The following SMARCA2 variants were observed in gnomAD, a reference collection of about 807,000 sequenced individuals.
SMARCA2 encodes the protein SWI/SNF related BAF chromatin remodeling complex subunit ATPase 2.
SMARCA2 carries 61 observed loss-of-function variants against 199.8 expected under a neutral mutation model. The ratio of observed to expected loss-of-function variants is 0.31; its 90% CI spans 0.25 to 0.38. SMARCA2 has a LOEUF of 0.38. SMARCA2 is among the 10% of genes least tolerant of loss of function. The pLI is 1.00. For synonymous variants in SMARCA2, 935 were observed against 732.0 expected (o/e 1.28, Z -4.48); for missense variants, 1,344 against 2,012.2 (o/e 0.67, Z 6.35).
intron 32 of SMARCA2, 64 bp from the exon 33 acceptor site, chr9:2,191,202 C>A: frequency 1.3e-6 from 2 of 1,485,882 alleles, no homozygotes; most frequent in South Asian, 1.2e-5. Context: ...GATAGTCTTA[C>A]CACCTATACA....
chr9:2,124,367 G>T (rs1823595194), intron 27 of SMARCA2, among the ~76,000 whole-genome samples: 1 of 152,174 alleles, frequency 6.6e-6, no homozygotes, highest in African/African-American at 2.4e-5. Flanking sequence ...TTTTACTTCT[G>T]CAAGGTCTGC....
At chr9:2,074,482 G>A (rs1354278583) in intron 12 of SMARCA2, among the ~76,000 whole-genome samples, 1 of 152,118 alleles carries the variant, frequency 6.6e-6, no homozygotes. Flanking sequence ...TTGTGGACCT[G>A]TGTTTTCCAA....
chr9:2,158,779 G>A, intron 27 of SMARCA2: 1 of 487,524 alleles, frequency 2.1e-6, no homozygotes, highest in Non-Finnish European at 3.6e-6. Context: ...CTTACATGCA[G>A]GAGTAATCTT....
At position 2,170,232 on chromosome 9, in the gene SMARCA2, C is replaced by T. The variant is rs1268993913; in HGVS notation, c.4200-187C>T. On this transcript the variant is annotated intron_variant, in intron 28 of 33. Transcript: ENST00000349721. The surrounding 1 kb of genome is among the most constrained non-coding windows in gnomAD (Gnocchi z 4.7). The stretch of plus-strand genomic sequence containing the variant: ...AAGGTTAGGAAATCCACTTCCCCCA[C>T]CATTTTTAGAGAACTATGTTATTTT... Among the ~76,000 whole-genome samples the T allele has an allele frequency of 6.6e-6, 1 of 152,148 alleles. No individual in the cohort carries two copies. The highest frequency in any genetic ancestry group is 1.5e-5 in the Non-Finnish European group (1 of 68,034).
chr9:2,175,328 C>G (rs571639005), intron 29 of SMARCA2, among the ~76,000 whole-genome samples: 1 of 144,908 alleles, frequency 6.9e-6, no homozygotes, highest in South Asian at 2.3e-4. Context: ...ACAATACACA[C>G]ACAAAAACAC....
chr9:2,174,783 G>A (rs1826446149), intron 29 of SMARCA2, among the ~76,000 whole-genome samples: 1 of 151,726 alleles, frequency 6.6e-6, no homozygotes, highest in Non-Finnish European at 1.5e-5. Context: ...AGGTGGGTGT[G>A]GTGGCATACT....
chr9:2,085,321 A>T (rs1173814626), intron 17 of SMARCA2, among the ~76,000 whole-genome samples: 4 of 152,174 alleles, frequency 2.6e-5, no homozygotes. Flanking sequence ...TATGTATTTC[A>T]AGATTCATTG....
intron 28 of SMARCA2, among the ~76,000 whole-genome samples, chr9:2,165,354 A>G (rs762462199): frequency 2.6e-5 from 4 of 152,202 alleles, no homozygotes; most frequent in Admixed American, 6.5e-5. Context: ...AAGAACTAAG[A>G]TCATTTATGT....
At chr9:2,125,587 T>C (rs1445891444) in intron 27 of SMARCA2, among the ~76,000 whole-genome samples, 1 of 151,844 alleles carries the variant, frequency 6.6e-6, no homozygotes, top group Non-Finnish European at 1.5e-5. Flanking sequence ...CCTACCGGGT[T>C]CAAGGGATTC....
chr9:2,189,060 C>T (rs1475816725), intron 32 of SMARCA2, among the ~76,000 whole-genome samples: 1 of 152,166 alleles, frequency 6.6e-6, no homozygotes, highest in Non-Finnish European at 1.5e-5. Context: ...TTAGACTGGG[C>T]CCACCTGGAT....
At chr9:2,022,716 CTGT>C (rs766979029) in intron 1 of SMARCA2, among the ~76,000 whole-genome samples, 1 of 152,176 alleles carries the variant, frequency 6.6e-6, no homozygotes, top group Non-Finnish European at 1.5e-5. Flanking sequence ...AAGGAAGTGG[CTGT>C]TGTTGATTCT....
intron 33 of SMARCA2, chr9:2,192,232 A>G (rs556888895): frequency 1.2e-5 from 2 of 171,278 alleles, no homozygotes; most frequent in African/African-American, 4.8e-5. Flanking sequence ...CTTTCTGGAA[A>G]GATAAATTTC....
rs142938133 is a variant in SMARCA2, at chr9:2,122,998, C to T, written c.3763-721C>T. ...CATTTTGAAGGCTCTGAAAGGAATC[C>T]ATTTCACTTACAACTAGATCAGTTG... On this transcript the variant is annotated intron_variant, in intron 26 of 33. Transcript: ENST00000349721. 3.9e-5 allele frequency among the ~76,000 whole-genome samples: 6 copies of T among 152,254 alleles called. No individual in the cohort carries two copies. The East Asian group carries it at 9.6e-4, about 24-fold the overall frequency.
chr9:2,111,954 A>G (rs1823024831), intron 24 of SMARCA2, among the ~76,000 whole-genome samples: 2 of 152,214 alleles, frequency 1.3e-5, no homozygotes, highest in Non-Finnish European at 2.9e-5. Context: ...CTGATCTTGA[A>G]AAGGATTGGG....
chr9:2,181,709 A>C, intron 30 of SMARCA2, 33 bp downstream of exon 30: 4 of 1,082,976 alleles, frequency 3.7e-6, no homozygotes, highest in African/African-American at 3.1e-5. Context: ...TTATTCTTCA[A>C]GTAAATAAAG....
At chr9:2,080,780 T>G (rs1043996342) in intron 14 of SMARCA2, among the ~76,000 whole-genome samples, 2 of 152,224 alleles carry the variant, frequency 1.3e-5, no homozygotes, top group African/African-American at 4.8e-5. Context: ...GAAAAATTCT[T>G]GTCAATACAG....
chr9:2,054,896 A>T (rs1220296710), intron 6 of SMARCA2, among the ~76,000 whole-genome samples, 173 bp downstream of exon 6: 2 of 152,256 alleles, frequency 1.3e-5, no homozygotes, highest in African/African-American at 4.8e-5. Flanking sequence ...AATGATGAAG[A>T]TGAACTGCTT....
At chr9:2,146,145 T>A (rs1824732291) in intron 27 of SMARCA2, among the ~76,000 whole-genome samples, 1 of 152,226 alleles carries the variant, frequency 6.6e-6, no homozygotes, top group African/African-American at 2.4e-5. Flanking sequence ...AGATTCCATG[T>A]CTGGTGATTC....
At chr9:2,179,720 G>T (rs1375211406) in intron 29 of SMARCA2, among the ~76,000 whole-genome samples, 6 of 152,150 alleles carry the variant, frequency 3.9e-5, no homozygotes, top group African/African-American at 4.8e-5. Context: ...ACAGAGATGT[G>T]CCTGTACTCC....
Sources: allele counts gnomAD v4.1 joint callset (sites outside exome capture counted in the v4.1 genomes callset), GRCh38; gene constraint gnomAD v4.1.1; non-coding constraint Gnocchi (gnomAD v3.1); transcripts MANE v1.5; gene names NCBI Gene and HGNC (gene_info 2026-07-23, HGNC 2026-07-21).